The following STK32A variants were observed in gnomAD, a reference collection of about 807,000 sequenced individuals.
STK32A encodes the protein serine/threonine-protein kinase 32A.
STK32A carries 41 observed loss-of-function variants against 53.2 expected under a neutral mutation model. The ratio of observed to expected loss-of-function variants is 0.77; its 90% CI spans 0.60 to 1.00. The LOEUF is 1.00. STK32A is among the 50% of genes least tolerant of loss of function. STK32A has a pLI of 0.00. For missense variants in STK32A, 458 were observed against 485.8 expected, an observed-to-expected ratio of 0.94 and a Z score of 0.54; for synonymous variants, 166 against 162.8, an observed-to-expected ratio of 1.02 and a Z score of -0.15.
At chr5:147,297,235 G>A (rs1752908828) in intron 4 of STK32A, among the ~76,000 whole-genome samples, 4 of 152,108 alleles carry the variant, frequency 2.6e-5, no homozygotes, top group Admixed American at 6.5e-5. Flanking sequence ...TTTCTGTCCA[G>A]CCGTATTTTC....
At chr5:147,380,733 G>T (rs749021248) in intron 11 of STK32A, among the ~76,000 whole-genome samples, 26 of 152,182 alleles carry the variant, frequency 1.7e-4, no homozygotes, top group Non-Finnish European at 3.2e-4. Flanking sequence ...AGAAGGCTCT[G>T]CTGACTAAAA....
intron 2 of STK32A, among the ~76,000 whole-genome samples, chr5:147,241,242 G>A (rs933199244): frequency 6.6e-6 from 1 of 152,196 alleles, no homozygotes; most frequent in African/African-American, 2.4e-5. Flanking sequence ...ACTTTGGGAG[G>A]CCGAGGCGGG....
intron 2 of STK32A, among the ~76,000 whole-genome samples, chr5:147,256,626 C>T (rs1754249049): frequency 6.6e-6 from 1 of 152,148 alleles, no homozygotes; most frequent in South Asian, 2.1e-4. Context: ...ATTCTCCTGT[C>T]TCAGCCTCCC....
chr5:147,285,492 G>C (rs1752285468), intron 4 of STK32A, among the ~76,000 whole-genome samples: 2 of 151,282 alleles, frequency 1.3e-5, no homozygotes, highest in Non-Finnish European at 3.0e-5. Flanking sequence ...ATGGCAAACG[G>C]AAGTCAGCAA....
intron 6 of STK32A, chr5:147,348,547 T>C: frequency 6.1e-6 from 4 of 655,144 alleles, no homozygotes; most frequent in Admixed American, 2.2e-5. Context: ...ATCAATTGGC[T>C]CTAAAACCTT....
intron 12 of STK32A, 110 bp from the exon 13 acceptor site, chr5:147,383,780 T>C: frequency 1.9e-6 from 2 of 1,076,514 alleles, no homozygotes; most frequent in South Asian, 1.9e-5. Context: ...AAGATTTCCT[T>C]GGCTCATGCT....
At chr5:147,343,320 A>G in intron 6 of STK32A, 1 of 618,988 alleles carries the variant, frequency 1.6e-6, no homozygotes, top group Non-Finnish European at 3.0e-6. Context: ...AAACCATCAC[A>G]ACTTTTCAGT....
intron 7 of STK32A, among the ~76,000 whole-genome samples, chr5:147,361,253 C>T (rs1394646850): frequency 1.3e-5 from 2 of 152,124 alleles, no homozygotes; most frequent in Non-Finnish European, 2.9e-5. Flanking sequence ...AAATTTTAAT[C>T]GGTGCATGAT....
chr5:147,249,320 G>A (rs1459476798), intron 2 of STK32A, among the ~76,000 whole-genome samples: 10 of 151,962 alleles, frequency 6.6e-5, no homozygotes, highest in South Asian at 4.1e-4. Context: ...GTTTTTGTGA[G>A]AATAAAAAAA....
intron 8 of STK32A, among the ~76,000 whole-genome samples, chr5:147,366,600 C>T (rs910708053): frequency 4.6e-5 from 7 of 152,160 alleles, no homozygotes; most frequent in African/African-American, 1.7e-4. Flanking sequence ...CATTTATTTA[C>T]TTTATGTATC....
At chr5:147,395,453 C>T in the STK32A span, 1 of 1,403,426 alleles carries the variant, frequency 7.1e-7, no homozygotes, top group Non-Finnish European at 9.7e-7. Flanking sequence ...CAGTGCTAGG[C>T]TGGAAAACTC....
chr5:147,316,859 GAAAAAAAAAAAAA>G (rs35058586), intron 4 of STK32A, among the ~76,000 whole-genome samples: 1 of 61,330 alleles, frequency 1.6e-5, no homozygotes, highest in Non-Finnish European at 2.8e-5. Flanking sequence ...TGTTTCTGGC[GAAAAAAAAAAAAA>G]AAAAAAAAAA....
In STK32A at chr5:147,343,049, T is replaced by G; in HGVS notation, c.472+6T>G. ...TATTTTACTTGACGAACATGGTAAGTGAGTGATTTGTTTGCAATCAAGTAC... is the reference window on the plus strand; with the variant it reads ...TATTTTACTTGACGAACATGGTAAGGGAGTGATTTGTTTGCAATCAAGTAC... On this transcript the variant is annotated splice_donor_region_variant and intron_variant, in intron 6 of 12. Coordinates refer to ENST00000397936, the MANE Select transcript of STK32A (RefSeq NM_001112724.2). 1 of 1,613,300 alleles carries G rather than the reference T, an allele frequency of 6.2e-7. No individual in the cohort carries two copies. Among genetic ancestry groups the G allele is most frequent in the South Asian group, 1.1e-5 (1 of 91,074 alleles).
intron 4 of STK32A, among the ~76,000 whole-genome samples, chr5:147,309,902 A>G (rs1024375087): frequency 6.6e-6 from 1 of 152,194 alleles, no homozygotes; most frequent in Non-Finnish European, 1.5e-5. Context: ...GCATTAACAT[A>G]TATTTTATTT....
rs561032930 is a variant in STK32A at position 147,302,654 on chromosome 5, AG to A, written c.261-21240del. Among the ~76,000 whole-genome samples, 638 of 152,238 alleles carry A rather than the reference AG, an allele frequency of 4.2e-3. 6 individuals carry two copies. The highest frequency in any genetic ancestry group is 0.015 in the African/African-American group (617 of 41,542). The stretch of plus-strand genomic sequence containing the variant: ...CTATAACAAAGATCAGTGATTGGAA[AG>A]GGGAGGTCTGGTCTCTTCTAGTCAT... On this transcript the variant is annotated intron_variant, in intron 4 of 12. Coordinates refer to ENST00000397936, the MANE Select transcript of STK32A (RefSeq NM_001112724.2).
intron 7 of STK32A, among the ~76,000 whole-genome samples, chr5:147,361,288 T>C (rs1407596323): frequency 6.6e-6 from 1 of 152,170 alleles, no homozygotes; most frequent in Non-Finnish European, 1.5e-5. Context: ...AGTTTATCCA[T>C]GAAGGCCTAT....
the STK32A span, among the ~76,000 whole-genome samples, chr5:147,398,414 G>T: frequency 1.3e-5 from 2 of 152,106 alleles, no homozygotes; most frequent in African/African-American, 2.4e-5. Context: ...TAATTTTTCT[G>T]TACCTCCAAT....
At chr5:147,399,416 C>T in the STK32A span, among the ~76,000 whole-genome samples, 24 of 152,300 alleles carry the variant, frequency 1.6e-4, no homozygotes, top group South Asian at 4.6e-3. Flanking sequence ...CTCGAATTAG[C>T]TGGGCTGTCG....
chr5:147,348,900 T>C (rs1755822802), intron 6 of STK32A: 2 of 582,302 alleles, frequency 3.4e-6, no homozygotes, highest in Non-Finnish European at 6.3e-6. Context: ...AAGACTATGA[T>C]TATCTTTCCA....
Sources: allele counts gnomAD v4.1 joint callset (sites outside exome capture counted in the v4.1 genomes callset), GRCh38; gene constraint gnomAD v4.1.1; transcripts MANE v1.5; gene names NCBI Gene and HGNC (gene_info 2026-07-23, HGNC 2026-07-21).